The following CCDC181 variants were observed in gnomAD, a reference collection of about 807,000 sequenced individuals.
The protein encoded by CCDC181 is coiled-coil domain-containing protein 181.
A neutral mutation model predicts 58.7 loss-of-function variants in CCDC181; 35 were observed. That is an observed-to-expected ratio of 0.60 (90% CI 0.46 to 0.79). The LOEUF is 0.79. CCDC181 is among the 30% of genes least tolerant of loss of function. The pLI, the probability that CCDC181 is intolerant of heterozygous loss-of-function variation, is 0.00. For synonymous variants in CCDC181, 183 were observed against 197.5 expected (o/e 0.93, Z 0.62); for missense variants, 517 against 583.9 (o/e 0.89, Z 1.18).
At chr1:169,419,378 G>A (rs1369286963) in intron 3 of CCDC181, among the ~76,000 whole-genome samples, 2 of 152,124 alleles carry the variant, frequency 1.3e-5, no homozygotes, top group South Asian at 4.1e-4. Flanking sequence ...TCAGGAGTTC[G>A]AGACCAGACT....
intron 1 of CCDC181, among the ~76,000 whole-genome samples, chr1:169,426,139 C>T (rs982744919): frequency 7.9e-5 from 12 of 152,014 alleles, no homozygotes. Flanking sequence ...TTTGTTGTAA[C>T]TTAAAAACAA....
Position 169,395,143 on chromosome 1 carries a change from T to G in CCDC181, c.1434A>C (p.Arg478Ser). ...AEQQAVRERT[R>S]QLRLEAKRSK... ...AACGCTTAGCTTCTAGTCGGAGCTG[T>G]CTAGTTCTCTCTCTGACAGCTTGTT... Residue 478 changes from arginine to serine, a missense_variant, in exon 6 of 6, where the codon AGA (arginine) becomes AGC (serine). Coordinates refer to ENST00000367806, the MANE Select transcript of CCDC181 (RefSeq NM_001300969.2). 1 of 1,613,620 alleles carries G rather than the reference T, an allele frequency of 6.2e-7. No homozygotes were observed. The highest frequency in any genetic ancestry group is 1.3e-5 in the African/African-American group (1 of 75,030).
chr1:169,405,049 C>A (rs967531181), intron 4 of CCDC181, among the ~76,000 whole-genome samples: 5 of 152,184 alleles, frequency 3.3e-5, no homozygotes, highest in African/African-American at 4.8e-5. Flanking sequence ...TGAGTGAATT[C>A]TCATTCATAA....
At position 169,425,371 on chromosome 1, in the gene CCDC181, CTG is replaced by C. The variant is rs562691371; in HGVS notation, c.-23-423_-23-422del. Among the ~76,000 whole-genome samples the C allele has an allele frequency of 1.6e-3, 238 of 152,174 alleles. 1 individual carries two copies. The highest frequency in any genetic ancestry group is 0.01 in the Middle Eastern group (3 of 294). ...CAACTTAATTATTATTCAAAAATAA[CTG>C]TTAATTGTTCAACTGGATAATTATT... On this transcript the variant is annotated intron_variant, in intron 1 of 5. Coordinates refer to ENST00000367806, the MANE Select transcript of CCDC181 (RefSeq NM_001300969.2).
intron 2 of CCDC181, among the ~76,000 whole-genome samples, chr1:169,453,934 T>C (rs912294670): frequency 3.9e-5 from 6 of 152,014 alleles, no homozygotes; most frequent in Non-Finnish European, 7.4e-5. Context: ...GGTGGGCTTC[T>C]TTTCAAAGGG....
In CCDC181 at chr1:169,422,053, A is replaced by G. The variant is rs1311870878; in HGVS notation, c.378T>C (p.Tyr126=). The G allele has an allele frequency of 6.2e-7, 1 of 1,613,988 alleles. No homozygotes were observed. Among genetic ancestry groups the G allele is most frequent in the Admixed American group, 1.7e-5 (1 of 60,012 alleles). Residue 126 remains tyrosine (Y), a synonymous_variant, in exon 3 of 6, where the codon TAT becomes TAC. Transcript: ENST00000367806. ...TAGCTTGTACAATTTTCTCCATAAT[A>G]TATCTCCTTACTTCCTCATCCTCTT... ...EEEEDEEVRR[Y]IMEKIVQANK... is the part of the protein sequence containing the mutation.
At chr1:169,403,873 G>T (rs572294388) in intron 4 of CCDC181, among the ~76,000 whole-genome samples, 113 of 152,256 alleles carry the variant, frequency 7.4e-4, no homozygotes, top group African/African-American at 2.7e-3. Context: ...GAATCCAGGA[G>T]CTGGTTTTTT....
chr1:169,397,603 A>G (rs1336265461), intron 4 of CCDC181, among the ~76,000 whole-genome samples: 2 of 152,146 alleles, frequency 1.3e-5, no homozygotes, highest in Non-Finnish European at 2.9e-5. Context: ...GGCTAAGCCC[A>G]TTTTTCAAAA....
At chr1:169,395,875 GTTGTT>G (rs1654996921) in intron 5 of CCDC181, 1 of 114,818 alleles carries the variant, frequency 8.7e-6, no homozygotes, top group Non-Finnish European at 2.0e-5. Context: ...ACCTGGTTTT[GTTGTT>G]TTTTTTTTTT....
intron 3 of CCDC181, among the ~76,000 whole-genome samples, chr1:169,420,397 CT>C (rs58922330): frequency 0.48 from 63,697 of 133,814 alleles, 13,860 homozygotes; most frequent in Non-Finnish European, 0.51. Context: ...TCATGTTTCA[CT>C]TTTTTTTTTT....
chr1:169,456,490 T>C (rs545571398), intron 2 of CCDC181, among the ~76,000 whole-genome samples: 4 of 152,270 alleles, frequency 2.6e-5, no homozygotes, highest in East Asian at 1.9e-4. Context: ...AAAACCCATA[T>C]TGAAACTTAA....
chr1:169,411,060 T>C (rs1655938016), intron 4 of CCDC181, among the ~76,000 whole-genome samples: 1 of 151,194 alleles, frequency 6.6e-6, no homozygotes, highest in East Asian at 1.9e-4. Flanking sequence ...ATGAAGGAGA[T>C]AGACAAATGA....
chr1:169,439,247 A>G (rs1382156803), intron 2 of CCDC181, among the ~76,000 whole-genome samples: 1 of 151,674 alleles, frequency 6.6e-6, no homozygotes, highest in African/African-American at 2.4e-5. Context: ...AGCTCCTAGG[A>G]TACTCACCAA....
intron 2 of CCDC181, among the ~76,000 whole-genome samples, chr1:169,457,971 G>T (rs572418993): frequency 2.0e-5 from 3 of 152,002 alleles, no homozygotes; most frequent in Non-Finnish European, 4.4e-5. Context: ...TGAACAAATT[G>T]TATTGATAGA....
chr1:169,411,140 C>A (rs748392814), intron 4 of CCDC181, among the ~76,000 whole-genome samples: 5 of 151,868 alleles, frequency 3.3e-5, no homozygotes, highest in Non-Finnish European at 7.4e-5. Flanking sequence ...AGACCGCTAT[C>A]CAGACTAATA....
At chr1:169,447,858 C>T (rs887555033) in intron 2 of CCDC181, among the ~76,000 whole-genome samples, 2 of 152,088 alleles carry the variant, frequency 1.3e-5, no homozygotes, top group African/African-American at 2.4e-5. Context: ...ATATCTTTTT[C>T]CATCCCTTTA....
intron 2 of CCDC181, among the ~76,000 whole-genome samples, chr1:169,438,503 G>A (rs2101745572): frequency 6.6e-6 from 1 of 152,272 alleles, no homozygotes; most frequent in South Asian, 2.1e-4. Context: ...TCTCAGTTTT[G>A]CAAGATGCTG....
chr1:169,439,470 T>C (rs1657149594), intron 2 of CCDC181, among the ~76,000 whole-genome samples: 1 of 152,152 alleles, frequency 6.6e-6, no homozygotes, highest in Admixed American at 6.5e-5. Context: ...GTGACAGGGG[T>C]GCAGCTCATT....
chr1:169,444,971 C>T (rs1657331544), intron 2 of CCDC181, among the ~76,000 whole-genome samples: 1 of 152,138 alleles, frequency 6.6e-6, no homozygotes. Flanking sequence ...AAAATACAAA[C>T]TCCTTACCTT....
Sources: gnomAD v4.1 joint callset for allele counts (sites outside exome capture counted in the v4.1 genomes callset) on GRCh38, gnomAD v4.1.1 for gene constraint, MANE v1.5 for transcripts, NCBI Gene and HGNC (gene_info 2026-07-23, HGNC 2026-07-21) for gene names.